The following APP variants were observed in gnomAD, a reference collection of about 807,000 sequenced individuals.
The protein encoded by APP is amyloid-beta precursor protein.
APP carries 31 observed loss-of-function variants against 101.4 expected under a neutral mutation model. That is an observed-to-expected ratio of 0.31 (90% CI 0.23 to 0.41). The LOEUF (loss-of-function observed/expected upper bound fraction) is 0.41, where lower values mean the gene tolerates loss of function less well. APP is among the 10% of genes least tolerant of loss of function. The pLI is 1.00. For missense variants in APP, 839 were observed against 1,003.7 expected, an observed-to-expected ratio of 0.84 and a Z score of 2.22; for synonymous variants, 366 against 364.4, an observed-to-expected ratio of 1.00 and a Z score of -0.05.
chr21:25,964,861 A>C (rs1402379509), intron 11 of APP, among the ~76,000 whole-genome samples: 2 of 152,160 alleles, frequency 1.3e-5, no homozygotes, highest in Non-Finnish European at 2.9e-5. Context: ...TGGCCTCCCA[A>C]AGTGCTGGGA....
At chr21:26,100,273 C>A (rs1329112967) in intron 2 of APP, among the ~76,000 whole-genome samples, 6 of 152,130 alleles carry the variant, frequency 3.9e-5, no homozygotes, top group Admixed American at 3.9e-4. Flanking sequence ...TTTATACAGA[C>A]CAGAAATGCA....
rs138985426 is a variant in APP at position 26,155,160 on chromosome 21, A to C, written c.57+15404T>G. On this transcript the variant is annotated intron_variant, in intron 1 of 17. Transcript: ENST00000346798. ...CAGCTACTCAGGAGGCTGAGGCAGG[A>C]AAACTGCTTGAACCCAGGAGGTGGA... Among the ~76,000 whole-genome samples the C allele has an allele frequency of 2.5e-3, 374 of 152,310 alleles. 2 individuals carry two copies. The highest frequency in any genetic ancestry group is 7.3e-3 in the South Asian group (35 of 4,824).
Position 26,102,082 on chromosome 21 carries a change from G to GTTTT in APP, c.225+9893_225+9896dup, listed in dbSNP as rs35680514. Among the ~76,000 whole-genome samples, 72 of 101,108 alleles carry GTTTT rather than the reference G, an allele frequency of 7.1e-4. 1 individual carries two copies. Among genetic ancestry groups the GTTTT allele is most frequent in the African/African-American group, 1.2e-3 (30 of 25,526 alleles). 66.3% of individuals were successfully genotyped at this position (101,108 alleles called of 152,430 possible). A position where few individuals can be genotyped will look rare whatever the true frequency, so the allele number is the denominator to read the frequency against. On this transcript the variant is annotated intron_variant, in intron 2 of 17. Coordinates refer to ENST00000346798, the MANE Select transcript of APP (RefSeq NM_000484.4). ...CCTTTGGTTTAAGTAAAACTATGTG[G>GTTTT]TTTTTTTTTTTTTTTTTTTTTTGGA... is the stretch of plus-strand genomic sequence containing the variant.
At chr21:25,952,764 A>C (rs1048177315) in intron 13 of APP, among the ~76,000 whole-genome samples, 2 of 152,102 alleles carry the variant, frequency 1.3e-5, no homozygotes, top group Non-Finnish European at 1.5e-5. Flanking sequence ...ACAAACAAAC[A>C]AACCATGTTT....
intron 6 of APP, among the ~76,000 whole-genome samples, chr21:26,012,266 T>G (rs563102606): frequency 1.3e-5 from 2 of 152,236 alleles, no homozygotes; most frequent in East Asian, 3.9e-4. Context: ...CCCAAAGTGC[T>G]GGGATAACAG....
At chr21:26,091,656 G>A (rs762314406) in intron 2 of APP, among the ~76,000 whole-genome samples, 2 of 152,204 alleles carry the variant, frequency 1.3e-5, no homozygotes, top group African/African-American at 4.8e-5. Flanking sequence ...GAGGTCTGGA[G>A]ATGACCAACA....
intron 5 of APP, among the ~76,000 whole-genome samples, chr21:26,025,084 G>T (rs114821319): frequency 6.6e-6 from 1 of 152,048 alleles, no homozygotes; most frequent in African/African-American, 2.4e-5. Context: ...TTATCTCCTC[G>T]TAGAAATAAA....
chr21:26,130,390 C>A (rs149879332), intron 1 of APP, among the ~76,000 whole-genome samples: 4 of 152,202 alleles, frequency 2.6e-5, no homozygotes, highest in Non-Finnish European at 2.9e-5. Flanking sequence ...AGTGGTGACA[C>A]GCTGACTTCC....
chr21:26,161,275 G>A (rs991738396), intron 1 of APP, among the ~76,000 whole-genome samples: 1 of 152,156 alleles, frequency 6.6e-6, no homozygotes, highest in African/African-American at 2.4e-5. Flanking sequence ...CTTTTACAAT[G>A]TAGTAAATAT....
chr21:25,915,233 T>C (rs1015670803), intron 13 of APP, among the ~76,000 whole-genome samples: 5 of 152,224 alleles, frequency 3.3e-5, no homozygotes, highest in Admixed American at 6.5e-5. Flanking sequence ...CTGACACTTT[T>C]GTTTTCTATT....
intron 15 of APP, among the ~76,000 whole-genome samples, chr21:25,900,864 C>T (rs1182469902): frequency 6.6e-6 from 1 of 151,764 alleles, no homozygotes; most frequent in Non-Finnish European, 1.5e-5. Context: ...TGGCAGGCAC[C>T]TGTAGTCCCA....
chr21:25,976,132 A>G (rs2042214901), intron 9 of APP, 104 bp from the exon 10 acceptor site: 2 of 1,000,650 alleles, frequency 2.0e-6, no homozygotes, highest in Admixed American at 3.9e-5. Context: ...TTGTCATTTT[A>G]GATATTTAAA....
At chr21:26,032,148 C>T (rs1314033639) in intron 5 of APP, among the ~76,000 whole-genome samples, 1 of 152,148 alleles carries the variant, frequency 6.6e-6, no homozygotes, top group Non-Finnish European at 1.5e-5. Flanking sequence ...GTTGATTTTC[C>T]ATTAGTGAGC....
chr21:26,024,348 T>C (rs913725583), intron 5 of APP, among the ~76,000 whole-genome samples: 6 of 151,180 alleles, frequency 4.0e-5, no homozygotes, highest in African/African-American at 1.2e-4. Flanking sequence ...CAGAAGGGAA[T>C]TATTACCACA....
intron 7 of APP, among the ~76,000 whole-genome samples, chr21:25,998,480 G>A (rs144031484): frequency 2.6e-5 from 4 of 152,060 alleles, no homozygotes; most frequent in African/African-American, 9.7e-5. Flanking sequence ...ACTGGCGATG[G>A]CAGGAGACCA....
chr21:26,113,967 GAAT>G (rs1291927272), intron 1 of APP, among the ~76,000 whole-genome samples: 1 of 152,210 alleles, frequency 6.6e-6, no homozygotes, highest in Admixed American at 6.5e-5. Flanking sequence ...TGCCCGTAAG[GAAT>G]GTACAATCCA....
At position 25,954,578 on chromosome 21, in the gene APP, C is replaced by A. The variant is rs1381998374; in HGVS notation, c.1687+12G>T. ...ATGTCCATGTGCAGCATCAAAAGAA[C>A]AGCTTACTTACCAACTTCATCCTGA... On this transcript the variant is annotated intron_variant, in intron 13 of 17. Coordinates refer to ENST00000346798, the MANE Select transcript of APP (RefSeq NM_000484.4). 1.2e-6 allele frequency: 2 copies of A among 1,604,350 alleles called. No homozygotes were observed. Among genetic ancestry groups the A allele is most frequent in the African/African-American group, 2.7e-5 (2 of 74,644 alleles).
At chr21:26,168,470 G>T (rs936032591) in intron 1 of APP, among the ~76,000 whole-genome samples, 5 of 152,168 alleles carry the variant, frequency 3.3e-5, no homozygotes, top group African/African-American at 1.2e-4. Flanking sequence ...AATAGCTACT[G>T]AAAAGGTCCC....
At chr21:25,925,006 C>A (rs1002440048) in intron 13 of APP, among the ~76,000 whole-genome samples, 1 of 152,246 alleles carries the variant, frequency 6.6e-6, no homozygotes, top group East Asian at 1.9e-4. Context: ...CAATTCTTAT[C>A]TTTTAAATAA....
Sources: gnomAD v4.1 joint callset for allele counts (sites outside exome capture counted in the v4.1 genomes callset) on GRCh38, gnomAD v4.1.1 for gene constraint, MANE v1.5 for transcripts, NCBI Gene and HGNC (gene_info 2026-07-23, HGNC 2026-07-21) for gene names.